Variants in NCOA3 observed in about 807,000 individuals in gnomAD.
NCOA3 encodes CBP-interacting protein.
In NCOA3, 51 loss-of-function variants were observed where a neutral mutation model predicts 158.8. The ratio of observed to expected loss-of-function variants is 0.32; its 90% CI spans 0.26 to 0.41. NCOA3 has a LOEUF of 0.41. NCOA3 is among the 10% of genes least tolerant of loss of function. The pLI is 1.00. For synonymous variants in NCOA3, 537 were observed against 592.4 expected, an observed-to-expected ratio of 0.91 and a Z score of 1.36; for missense variants, 1,510 against 1,746.6, an observed-to-expected ratio of 0.86 and a Z score of 2.41.
rs959649147 is a variant in NCOA3 at position 47,501,899 on chromosome 20, C to T, written c.-219C>T. 2 of 399,854 alleles carry T rather than the reference C, an allele frequency of 5.0e-6. No homozygotes were observed. The highest frequency in any genetic ancestry group is 8.8e-6 in the Non-Finnish European group (2 of 226,960). 24.8% of individuals were successfully genotyped at this position (399,854 alleles called of 1,614,324 possible). ...GTGCGGCGACTTTAGCTGCTGCTGT[C>T]TCAGCCGCTCCACAGCGACGGCAGC... On this transcript the variant is annotated 5_prime_UTR_variant, in exon 1 of 23. Coordinates refer to ENST00000371998, the MANE Select transcript of NCOA3 (RefSeq NM_181659.3).
chr20:47,536,964 C>A (rs530229547), intron 1 of NCOA3, among the ~76,000 whole-genome samples: 1 of 151,712 alleles, frequency 6.6e-6, no homozygotes, highest in Admixed American at 6.6e-5. Context: ...CCACCATGCC[C>A]GGCTAATTTT....
At chr20:47,523,992 C>T (rs534515146) in intron 1 of NCOA3, among the ~76,000 whole-genome samples, 3 of 152,354 alleles carry the variant, frequency 2.0e-5, no homozygotes, top group Non-Finnish European at 2.9e-5. Context: ...AACTTAAAAT[C>T]GCCTTACTAA....
intron 2 of NCOA3, among the ~76,000 whole-genome samples, chr20:47,608,168 G>A (rs2085978192): frequency 1.3e-5 from 2 of 151,958 alleles, no homozygotes; most frequent in Non-Finnish European, 2.9e-5. Flanking sequence ...AAAATTAGCC[G>A]GGCATGGTGG....
chr20:47,520,387 C>T lies in NCOA3; in HGVS notation c.-99+18368C>T, dbSNP rs562158615. ...CTGCCTCTGCCAGCCACTTATGCCG[C>T]TGTTCTCCCCTCTCCTTGCCCTTCC... On this transcript the variant is annotated intron_variant, in intron 1 of 22. Coordinates refer to ENST00000371998, the MANE Select transcript of NCOA3 (RefSeq NM_181659.3). Among the ~76,000 whole-genome samples, 4 of 152,324 alleles carry T rather than the reference C, an allele frequency of 2.6e-5. No homozygotes were observed. The East Asian group carries it at 7.7e-4, about 29-fold the overall frequency.
Position 47,582,996 on chromosome 20 carries a change from T to C in NCOA3, c.-98-187T>C, listed in dbSNP as rs187308831. Among the ~76,000 whole-genome samples the C allele has an allele frequency of 2.6e-5, 4 of 152,334 alleles. No homozygotes were observed. The East Asian group carries it at 7.7e-4, about 29-fold the overall frequency. On this transcript the variant is annotated intron_variant, in intron 1 of 22. Transcript: ENST00000371998. ...TTTTAGTAGAGTTGGGGTTTTGCCA[T>C]GTTGGCCAGGCCAGCCTTGAACTCC...
At chr20:47,605,933 A>G (rs143440476) in intron 2 of NCOA3, among the ~76,000 whole-genome samples, 143 of 152,306 alleles carry the variant, frequency 9.4e-4, no homozygotes, top group African/African-American at 3.2e-3. Context: ...ATAGGCCTGC[A>G]GATAGTAGAT....
chr20:47,649,168 G>A, intron 19 of NCOA3, 59 bp downstream of exon 19: 1 of 1,067,590 alleles, frequency 9.4e-7, no homozygotes, highest in Non-Finnish European at 1.4e-6. Context: ...GGCTTGGCCT[G>A]TGGTTGGCTC....
Position 47,647,187 on chromosome 20 carries a change from C to A in NCOA3, c.3367C>A (p.Gln1123Lys), listed in dbSNP as rs1033779302. The A allele has an allele frequency of 1.4e-5, 22 of 1,613,834 alleles. No homozygotes were observed. Among genetic ancestry groups the A allele is most frequent in the Non-Finnish European group, 1.8e-5 (21 of 1,179,878 alleles). The change falls in exon 18 of 23, where the codon CAA becomes AAA. Residue 1123 changes from glutamine to lysine, a missense_variant. Gln to Lys is a moderately conservative substitution (Grantham distance 53). This residue lies in a region of NCOA3 where 1,017 missense variants were observed against 1,098.3 expected (regional missense o/e 0.93). Transcript: ENST00000371998. ...ATACCCAGCACAGGGGCCTCCAATGCAAGGAGGCTTTCATCTTCAGGGACA... is the reference window on the plus strand; with the variant it reads ...ATACCCAGCACAGGGGCCTCCAATGAAAGGAGGCTTTCATCTTCAGGGACA... ...QTYPAQGPPMQGGFHLQGQSP... is the reference protein window; with the variant it reads ...QTYPAQGPPMKGGFHLQGQSP...
At chr20:47,509,438 A>C (rs2084080731) in intron 1 of NCOA3, among the ~76,000 whole-genome samples, 1 of 152,158 alleles carries the variant, frequency 6.6e-6, no homozygotes, top group African/African-American at 2.4e-5. Context: ...ATATGCTATA[A>C]CTGGGTAAAA....
chr20:47,589,603 T>C (rs2085593343), intron 2 of NCOA3, among the ~76,000 whole-genome samples: 1 of 152,060 alleles, frequency 6.6e-6, no homozygotes, highest in Non-Finnish European at 1.5e-5. Flanking sequence ...CTCGAGCTCC[T>C]GACTCAGGTG....
At chr20:47,563,888 C>CA (rs72161837) in intron 1 of NCOA3, among the ~76,000 whole-genome samples, 12,803 of 58,126 alleles carry the variant, frequency 0.22, 1,237 homozygotes, top group African/African-American at 0.35. Flanking sequence ...GATTCTGTCT[C>CA]AAAAAAAAAA....
At position 47,640,016 on chromosome 20, in the gene NCOA3, G is replaced by T; in HGVS notation, c.3045G>T (p.Leu1015Phe). The T allele has an allele frequency of 6.2e-7, 1 of 1,614,198 alleles. No homozygotes were observed. The highest frequency in any genetic ancestry group is 8.5e-7 in the Non-Finnish European group (1 of 1,180,040). The change falls in exon 16 of 23, where the codon TTG becomes TTT. Residue 1015 changes from leucine to phenylalanine, a missense_variant. Transcript: ENST00000371998. ...TGGGTTCCTGGCCCGATGGCATGTT[G>T]TCCATGGAACAAGTTTCTCATGGCA... ...NQLGSWPDGM[L>F]SMEQVSHGTQ...
At chr20:47,510,474 A>C (rs2070983107) in intron 1 of NCOA3, among the ~76,000 whole-genome samples, 1 of 151,398 alleles carries the variant, frequency 6.6e-6, no homozygotes, top group African/African-American at 2.4e-5. Context: ...AGAATGGTAG[A>C]AGCCTTGAGT....
At chr20:47,616,751 G>A (rs2086146187) in intron 2 of NCOA3, among the ~76,000 whole-genome samples, 1 of 152,274 alleles carries the variant, frequency 6.6e-6, no homozygotes, top group Admixed American at 6.5e-5. Context: ...AGACTGGATT[G>A]TGTATCTTCT....
rs2085342502 is a variant in NCOA3 at position 47,574,502 on chromosome 20, T to A, written c.-98-8681T>A. Reference sequence around the variant, plus strand: ...TGTATATTTTGATTTTTTTTTTTTTTAGCACAGAGGCATAGTAATATTTGT... The same window carrying A: ...TGTATATTTTGATTTTTTTTTTTTTAAGCACAGAGGCATAGTAATATTTGT... On this transcript the variant is annotated intron_variant, in intron 1 of 22. Coordinates refer to ENST00000371998, the MANE Select transcript of NCOA3 (RefSeq NM_181659.3). Among the ~76,000 whole-genome samples, 2 of 151,826 alleles carry A rather than the reference T, an allele frequency of 1.3e-5. 1 individual carries two copies. Among genetic ancestry groups the A allele is most frequent in the African/African-American group, 4.8e-5 (2 of 41,356 alleles).
chr20:47,528,069 G>A (rs1324647228), intron 1 of NCOA3, among the ~76,000 whole-genome samples: 1 of 152,000 alleles, frequency 6.6e-6, no homozygotes, highest in African/African-American at 2.4e-5. Flanking sequence ...TTTCTCCCAG[G>A]CTTTGTTGGT....
chr20:47,516,206 C>T (rs915334866), intron 1 of NCOA3, among the ~76,000 whole-genome samples: 3 of 152,086 alleles, frequency 2.0e-5, no homozygotes, highest in African/African-American at 7.2e-5. Context: ...ATAATGATGC[C>T]TCAGTGTAGG....
rs1043165799 is a variant in NCOA3, at chr20:47,655,783, A to G, written c.*2366A>G. 1 of 152,540 alleles carries G rather than the reference A, an allele frequency of 6.6e-6. No individual in the cohort carries two copies. The highest frequency in any genetic ancestry group is 1.5e-5 in the Non-Finnish European group (1 of 68,020). 9.4% of individuals were successfully genotyped at this position (152,540 alleles called of 1,614,324 possible). A position where few individuals can be genotyped will look rare whatever the true frequency, so the allele number is the denominator to read the frequency against. On this transcript the variant is annotated 3_prime_UTR_variant, in exon 23 of 23. Coordinates refer to ENST00000371998, the MANE Select transcript of NCOA3 (RefSeq NM_181659.3). ...AAAAATTATTAAAAACAAAAAAAAA[A>G]TAAATTTTTTTGCAATCCTTTCCTC...
chr20:47,511,232 A>T (rs1473654360), intron 1 of NCOA3, among the ~76,000 whole-genome samples: 1 of 149,538 alleles, frequency 6.7e-6, no homozygotes, highest in African/African-American at 2.5e-5. Flanking sequence ...TAAGATTTAA[A>T]CATTTTCTTT....
Sources: allele counts gnomAD v4.1 joint callset (sites outside exome capture counted in the v4.1 genomes callset), GRCh38; gene constraint gnomAD v4.1.1; regional missense constraint gnomAD v4.1.1; transcripts MANE v1.5; gene names NCBI Gene and HGNC (gene_info 2026-07-23, HGNC 2026-07-21).